The following NRXN1 variants were observed in gnomAD, a reference collection of about 807,000 sequenced individuals.
NRXN1 encodes neurexin 1, also known as neurexin-1.
Under a neutral mutation model 150.9 loss-of-function variants are expected in NRXN1, and 39 were observed. The ratio of observed to expected loss-of-function variants is 0.26; its 90% CI spans 0.20 to 0.34. The LOEUF is 0.34. NRXN1 is among the 10% of genes least tolerant of loss of function. NRXN1 has a pLI of 1.00. For missense variants in NRXN1, 1,815 were observed against 1,949.9 expected (o/e 0.93, Z 1.30); for synonymous variants, 924 against 757.0 (o/e 1.22, Z -3.62).
intron 16 of NRXN1, among the ~76,000 whole-genome samples, chr2:50,469,779 G>A (rs539487068): frequency 6.6e-6 from 1 of 150,852 alleles, no homozygotes; most frequent in East Asian, 1.9e-4. Context: ...GTCAGGGTGT[G>A]AAAATTATAA....
chr2:50,488,612 T>C (rs941050723), intron 15 of NRXN1, among the ~76,000 whole-genome samples: 3 of 152,138 alleles, frequency 2.0e-5, no homozygotes, highest in African/African-American at 7.2e-5. Flanking sequence ...TCTGTTCTTG[T>C]CCGTGGGTTC....
chr2:50,530,121 C>G (rs946395439), intron 11 of NRXN1, among the ~76,000 whole-genome samples: 6 of 152,060 alleles, frequency 3.9e-5, no homozygotes, highest in African/African-American at 1.4e-4. Context: ...GTGTTTAACA[C>G]TGTCAAAAAT....
intron 5 of NRXN1, among the ~76,000 whole-genome samples, chr2:50,799,734 G>A (rs765545418): frequency 6.6e-6 from 1 of 152,084 alleles, no homozygotes; most frequent in Non-Finnish European, 1.5e-5. Context: ...GTTTAGTCTA[G>A]GCCAAGCTAT....
At chr2:50,194,716 T>C (rs1472325254) in intron 18 of NRXN1, among the ~76,000 whole-genome samples, 6 of 152,128 alleles carry the variant, frequency 3.9e-5, no homozygotes, top group Non-Finnish European at 1.5e-5. Flanking sequence ...ATAATTTTTA[T>C]GAGAATGGAC....
chr2:49,975,783 A>G (rs1051273671), intron 21 of NRXN1, among the ~76,000 whole-genome samples: 10 of 152,322 alleles, frequency 6.6e-5, no homozygotes, highest in Middle Eastern at 6.8e-3. Context: ...GCCCCAAACT[A>G]GAAACCACCT....
intron 8 of NRXN1, among the ~76,000 whole-genome samples, chr2:50,605,155 C>T (rs1234240324): frequency 6.6e-6 from 1 of 152,176 alleles, no homozygotes; most frequent in Admixed American, 6.5e-5. Flanking sequence ...TTTATCTCTC[C>T]TCAACCATGT....
rs199871750 is a variant in NRXN1, at chr2:51,028,166, G to A, written c.108C>T (p.Ala36=). The A allele has an allele frequency of 3.8e-5, 58 of 1,519,200 alleles. No homozygotes were observed. In the African/African-American group the frequency reaches 5.8e-4, roughly 15 times the overall value. The allele number at this position is 1,519,200 out of a possible 1,614,324, so 94.1% of individuals were successfully genotyped here. A position where few individuals can be genotyped will look rare whatever the true frequency, so the allele number is the denominator to read the frequency against. ...ELGSGLEFPG[A]EGQWTRFPKW... ...TGGGGAAGCGCGTCCATTGGCCCTC[G>A]GCGCCCGGAAACTCCAGCCCGCTGC... Residue 36 remains alanine, a synonymous_variant, in exon 2 of 23, where the codon GCC becomes GCT. Coordinates refer to ENST00000401669, the MANE Select transcript of NRXN1 (RefSeq NM_001330078.2).
chr2:50,678,754 T>C (rs1286700907), intron 5 of NRXN1, among the ~76,000 whole-genome samples: 1 of 152,074 alleles, frequency 6.6e-6, no homozygotes, highest in Non-Finnish European at 1.5e-5. Context: ...CAGACTGGAC[T>C]GTATATGTAT....
At chr2:49,926,222 G>T in intron 22 of NRXN1, 1 of 396,904 alleles carries the variant, frequency 2.5e-6, no homozygotes, top group South Asian at 1.3e-4. Flanking sequence ...TCTCACTTCT[G>T]AGATTCATTT....
intron 18 of NRXN1, among the ~76,000 whole-genome samples, chr2:50,189,431 G>T (rs1443146376): frequency 2.6e-5 from 4 of 152,072 alleles, no homozygotes; most frequent in South Asian, 2.1e-4. Flanking sequence ...AGGTTAATGG[G>T]TGCAGCAAAC....
At chr2:50,218,801 C>T (rs781532822) in intron 18 of NRXN1, among the ~76,000 whole-genome samples, 1 of 151,988 alleles carries the variant, frequency 6.6e-6, no homozygotes, top group African/African-American at 2.4e-5. Context: ...AAAACTTCAA[C>T]TTTGTACCCA....
At chr2:50,563,093 A>G (rs1669349033) in intron 8 of NRXN1, among the ~76,000 whole-genome samples, 1 of 152,314 alleles carries the variant, frequency 6.6e-6, no homozygotes, top group East Asian at 1.9e-4. Flanking sequence ...TTAAATGACC[A>G]TAACTTATAA....
At chr2:50,373,294 T>TATTTATTATTATTATTA (rs565617688) in intron 17 of NRXN1, among the ~76,000 whole-genome samples, 1 of 140,412 alleles carries the variant, frequency 7.1e-6, no homozygotes, top group African/African-American at 2.7e-5. Flanking sequence ...TATTTTATTT[T>TATTTATTATTATTATTA]TTATTATTAT....
At chr2:50,411,173 C>T (rs960788387) in intron 17 of NRXN1, among the ~76,000 whole-genome samples, 1 of 152,046 alleles carries the variant, frequency 6.6e-6, no homozygotes, top group Non-Finnish European at 1.5e-5. Flanking sequence ...ATTGCAGGCG[C>T]GCGCCTCCAC....
chr2:50,135,194 C>T (rs1706199650), intron 18 of NRXN1, among the ~76,000 whole-genome samples: 1 of 152,128 alleles, frequency 6.6e-6, no homozygotes, highest in South Asian at 2.1e-4. Context: ...GTTTTGAATA[C>T]ATATTTATTG....
At chr2:50,703,906 A>G (rs1363528576) in intron 5 of NRXN1, among the ~76,000 whole-genome samples, 1 of 152,168 alleles carries the variant, frequency 6.6e-6, no homozygotes, top group Non-Finnish European at 1.5e-5. Context: ...GGTAAAGGCA[A>G]GATTCATATC....
At chr2:50,500,576 G>A (rs180939973) in intron 13 of NRXN1, among the ~76,000 whole-genome samples, 21 of 152,204 alleles carry the variant, frequency 1.4e-4, no homozygotes, top group East Asian at 3.9e-4. Context: ...ATAAGACTTC[G>A]AAGGGGAAAG....
intron 5 of NRXN1, among the ~76,000 whole-genome samples, chr2:50,891,294 G>T (rs1251342984): frequency 6.6e-6 from 1 of 151,998 alleles, no homozygotes; most frequent in African/African-American, 2.4e-5. Context: ...AAAGTGGCAA[G>T]TTGAAATCAA....
chr2:51,028,140 T>G lies in NRXN1; in HGVS notation c.134A>C (p.Lys45Thr). 2 of 1,555,198 alleles carry G rather than the reference T, an allele frequency of 1.3e-6. No individual in the cohort carries two copies. Among genetic ancestry groups the G allele is most frequent in the Non-Finnish European group, 1.7e-6 (2 of 1,153,318 alleles). The change falls in exon 2 of 23, where the codon AAG becomes ACG. Residue 45 changes from lysine to threonine, a missense_variant. Around this residue, in one of 6 missense-constraint regions of NRXN1, gnomAD observed 554 missense variants for 478.8 expected, o/e 1.16. Transcript: ENST00000401669. ...GAEGQWTRFP[K>T]WNACCESEMS... ...CTCGCTCTCGCAGCAGGCGTTCCAC[T>G]TGGGGAAGCGCGTCCATTGGCCCTC...
Sources: allele counts gnomAD v4.1 joint callset (sites outside exome capture counted in the v4.1 genomes callset), GRCh38; gene constraint gnomAD v4.1.1; regional missense constraint gnomAD v4.1.1; transcripts MANE v1.5; gene names NCBI Gene and HGNC (gene_info 2026-07-23, HGNC 2026-07-21).